Variants in ADAMTS3 observed in about 807,000 individuals in gnomAD.
ADAMTS3 encodes the protein A disintegrin and metalloproteinase with thrombospondin motifs 3.
In ADAMTS3, 73 loss-of-function variants were observed where a neutral mutation model predicts 129.0. The observed-to-expected ratio is 0.57, with a 90% CI of 0.47 to 0.69. ADAMTS3 has a LOEUF of 0.69. ADAMTS3 is among the 30% of genes least tolerant of loss of function. ADAMTS3 has a pLI of 0.00. For synonymous variants in ADAMTS3, 477 were observed against 510.8 expected (o/e 0.93, Z 0.89); for missense variants, 1,457 against 1,514.5 (o/e 0.96, Z 0.63).
chr4:72,533,045 C>A (rs1270791295), intron 3 of ADAMTS3, among the ~76,000 whole-genome samples: 1 of 151,984 alleles, frequency 6.6e-6, no homozygotes, highest in Non-Finnish European at 1.5e-5. Flanking sequence ...ATAAATTAAC[C>A]TTAGCTGACT....
intron 5 of ADAMTS3, among the ~76,000 whole-genome samples, chr4:72,329,312 A>C (rs570969963): frequency 6.6e-6 from 1 of 152,276 alleles, no homozygotes; most frequent in East Asian, 1.9e-4. Flanking sequence ...GTACTATTTG[A>C]GATTGGGTAG....
chr4:72,465,885 C>A (rs1252255639), intron 3 of ADAMTS3, among the ~76,000 whole-genome samples: 1 of 151,934 alleles, frequency 6.6e-6, no homozygotes, highest in Non-Finnish European at 1.5e-5. Flanking sequence ...TTTTTCTGCA[C>A]AAGTTCTCTT....
chr4:72,290,928 T>A lies in ADAMTS3; in HGVS notation c.2858A>T (p.Asp953Val). 1.2e-6 allele frequency: 2 copies of A among 1,614,018 alleles called. No individual in the cohort carries two copies. Among genetic ancestry groups the A allele is most frequent in the East Asian group, 4.5e-5 (2 of 44,836 alleles). ...ACAGGGCCGGCGGCTCTCGGGACGGTCACCCATGCAGTATTTGCTGTGCAC... is the reference window on the plus strand; with the variant it reads ...ACAGGGCCGGCGGCTCTCGGGACGGACACCCATGCAGTATTTGCTGTGCAC... ...RSVHSKYCMG[D>V]RPESRRPCNR... The change falls in exon 20 of 22, where the codon GAC becomes GTC. Residue 953 changes from aspartate (D) to valine (V), a missense_variant. By Grantham distance (152) the Asp-to-Val change is radical (BLOSUM62 -3). Coordinates refer to ENST00000286657, the MANE Select transcript of ADAMTS3 (RefSeq NM_014243.3).
chr4:72,452,906 T>C (rs1263087921), intron 3 of ADAMTS3, among the ~76,000 whole-genome samples: 4 of 151,796 alleles, frequency 2.6e-5, no homozygotes, highest in African/African-American at 2.4e-5. Context: ...TATCGGAGTC[T>C]ATCTCAAAGA....
At chr4:72,480,021 C>T (rs2110004430) in intron 3 of ADAMTS3, among the ~76,000 whole-genome samples, 1 of 152,180 alleles carries the variant, frequency 6.6e-6, no homozygotes, top group Non-Finnish European at 1.5e-5. Flanking sequence ...GTTAGAATGG[C>T]AATCATTAAA....
At chr4:72,507,124 TAA>T (rs964088314) in intron 3 of ADAMTS3, among the ~76,000 whole-genome samples, 39 of 152,224 alleles carry the variant, frequency 2.6e-4, no homozygotes, top group Admixed American at 3.9e-4. Context: ...TCTGCATATA[TAA>T]GTGTGTATAA....
intron 2 of ADAMTS3, among the ~76,000 whole-genome samples, chr4:72,557,642 C>T (rs1020072891): frequency 6.6e-6 from 1 of 151,464 alleles, no homozygotes; most frequent in South Asian, 2.1e-4. Flanking sequence ...AAAAATCTGG[C>T]TTATTAATAA....
At chr4:72,518,548 T>G (rs1343157354) in intron 3 of ADAMTS3, among the ~76,000 whole-genome samples, 3 of 152,130 alleles carry the variant, frequency 2.0e-5, no homozygotes, top group African/African-American at 7.2e-5. Context: ...ATATTTAGGA[T>G]AGTTAGCTCT....
rs1281506473 is a variant in ADAMTS3, at chr4:72,530,641, T to G, written c.504+17837A>C. 1.6e-4 allele frequency among the ~76,000 whole-genome samples: 13 copies of G among 82,718 alleles called. No homozygotes were observed. In the South Asian group the frequency reaches 3.5e-3, roughly 22 times the overall value. 54.3% of individuals were successfully genotyped at this position (82,718 alleles called of 152,430 possible). A position where few individuals can be genotyped will look rare whatever the true frequency, so the allele number is the denominator to read the frequency against. Reference sequence around the variant, plus strand: ...TAATATATATTATTATATAATATATTATATATAATATTATATATATTATAT... The same window carrying G: ...TAATATATATTATTATATAATATATGATATATAATATTATATATATTATAT... On this transcript the variant is annotated intron_variant, in intron 3 of 21. Coordinates refer to ENST00000286657, the MANE Select transcript of ADAMTS3 (RefSeq NM_014243.3).
chr4:72,389,066 G>A (rs1721517929), intron 4 of ADAMTS3, among the ~76,000 whole-genome samples: 5 of 152,186 alleles, frequency 3.3e-5, no homozygotes, highest in African/African-American at 9.6e-5. Flanking sequence ...AAAATTAGGT[G>A]TTCAGTATCA....
chr4:72,332,456 C>T (rs549112319), intron 5 of ADAMTS3, among the ~76,000 whole-genome samples: 1 of 152,222 alleles, frequency 6.6e-6, no homozygotes, highest in Non-Finnish European at 1.5e-5. Context: ...TTTCAATATA[C>T]AAAGAAACTG....
At chr4:72,317,724 G>A (rs1263637934) in intron 10 of ADAMTS3, among the ~76,000 whole-genome samples, 1 of 152,006 alleles carries the variant, frequency 6.6e-6, no homozygotes, top group African/African-American at 2.4e-5. Context: ...CGGTGCCCAA[G>A]TTTATATATT....
intron 4 of ADAMTS3, among the ~76,000 whole-genome samples, chr4:72,391,463 G>A (rs774319179): frequency 1.2e-4 from 19 of 152,150 alleles, no homozygotes; most frequent in Non-Finnish European, 1.0e-4. Context: ...CAGCTGGGGT[G>A]TAGACAGTGA....
At chr4:72,548,116 C>T (rs1459890411) in intron 3 of ADAMTS3, among the ~76,000 whole-genome samples, 1 of 152,008 alleles carries the variant, frequency 6.6e-6, no homozygotes, top group East Asian at 1.9e-4. Context: ...GAGTAAAATA[C>T]GGTCATTTTG....
At chr4:72,553,493 A>C (rs962192) in intron 2 of ADAMTS3, among the ~76,000 whole-genome samples, 142,638 of 152,160 alleles carry the variant, frequency 0.94, 67,605 homozygotes, top group East Asian at 1. Context: ...ACAGTTCAGA[A>C]ATCTCAAGTA....
chr4:72,306,896 A>T (rs2109791654), intron 15 of ADAMTS3, among the ~76,000 whole-genome samples: 1 of 152,098 alleles, frequency 6.6e-6, no homozygotes, highest in African/African-American at 2.4e-5. Flanking sequence ...CCTAAAAATT[A>T]TCTTACAATC....
intron 3 of ADAMTS3, among the ~76,000 whole-genome samples, chr4:72,444,260 G>C (rs1463495207): frequency 6.6e-6 from 1 of 151,594 alleles, no homozygotes; most frequent in African/African-American, 2.4e-5. Flanking sequence ...AATCTAAATG[G>C]GGAGGTAAAA....
intron 3 of ADAMTS3, among the ~76,000 whole-genome samples, chr4:72,452,811 A>G (rs2109972079): frequency 6.6e-6 from 1 of 151,736 alleles, no homozygotes; most frequent in African/African-American, 2.4e-5. Context: ...ACCTAAAACC[A>G]CTATCTTGGT....
intron 5 of ADAMTS3, among the ~76,000 whole-genome samples, chr4:72,335,018 C>T (rs969662237): frequency 2.0e-5 from 3 of 152,086 alleles, no homozygotes; most frequent in Non-Finnish European, 4.4e-5. Context: ...GAAGTTATAT[C>T]GAAATCATCT....
Sources: gnomAD v4.1 joint callset for allele counts (sites outside exome capture counted in the v4.1 genomes callset) on GRCh38, gnomAD v4.1.1 for gene constraint, MANE v1.5 for transcripts, NCBI Gene and HGNC (gene_info 2026-07-23, HGNC 2026-07-21) for gene names.